ASIC2: variants seen among roughly 807,000 people sequenced by gnomAD.
ASIC2 encodes the protein acid-sensing ion channel 2.
A neutral mutation model predicts 57.3 loss-of-function variants in ASIC2; 25 were observed. The observed-to-expected ratio is 0.44, with a 90% CI of 0.32 to 0.61. The LOEUF (loss-of-function observed/expected upper bound fraction) is 0.61. Among genes scored for constraint, ASIC2 ranks in the 20% least tolerant of loss-of-function variants. The pLI, the probability that ASIC2 is intolerant of heterozygous loss-of-function variation, is 0.06. For synonymous variants in ASIC2, 319 were observed against 307.5 expected, an observed-to-expected ratio of 1.04 and a Z score of -0.39; for missense variants, 641 against 738.1, an observed-to-expected ratio of 0.87 and a Z score of 1.52.
chr17:33,252,814 T>C (rs189547963), intron 1 of ASIC2, among the ~76,000 whole-genome samples: 55 of 152,298 alleles, frequency 3.6e-4, no homozygotes, highest in African/African-American at 9.1e-4. Context: ...TGGCTTTTCA[T>C]TGGGCTATGG....
intron 1 of ASIC2, among the ~76,000 whole-genome samples, chr17:34,094,467 T>C (rs1406166907): frequency 1.3e-5 from 2 of 152,180 alleles, no homozygotes; most frequent in Non-Finnish European, 2.9e-5. Flanking sequence ...CCTCAATGGA[T>C]TGTGATCCAG....
At chr17:33,975,057 T>C (rs115640358) in intron 1 of ASIC2, among the ~76,000 whole-genome samples, 2,102 of 152,348 alleles carry the variant, frequency 0.014, 55 homozygotes, top group African/African-American at 0.048. Flanking sequence ...CATTGGTATA[T>C]TGCCAGTGCT....
intron 1 of ASIC2, among the ~76,000 whole-genome samples, chr17:33,817,051 G>A (rs1334405493): frequency 6.6e-6 from 1 of 152,228 alleles, no homozygotes; most frequent in Non-Finnish European, 1.5e-5. Flanking sequence ...CAGTGCCCCA[G>A]CGGGGCTGCA....
At chr17:33,789,201 A>C (rs1911693932) in intron 1 of ASIC2, among the ~76,000 whole-genome samples, 1 of 152,122 alleles carries the variant, frequency 6.6e-6, no homozygotes, top group South Asian at 2.1e-4. Context: ...ATGGTGAGCC[A>C]ATTAAACCTA....
intron 1 of ASIC2, among the ~76,000 whole-genome samples, chr17:33,676,003 G>A (rs1427226061): frequency 7.2e-5 from 11 of 152,150 alleles, no homozygotes; most frequent in African/African-American, 2.4e-5. Flanking sequence ...TCTCTATGAT[G>A]TCACATTTTT....
chr17:33,894,771 A>T (rs1027707764), intron 1 of ASIC2, among the ~76,000 whole-genome samples: 1 of 152,200 alleles, frequency 6.6e-6, no homozygotes, highest in African/African-American at 2.4e-5. Flanking sequence ...AAGTTACTGC[A>T]TGAAAGAGAC....
At position 34,156,343 on chromosome 17, in the gene ASIC2, C is replaced by T; in HGVS notation, c.190G>A (p.Val64Met). Residue 64 changes from valine (V) to methionine (M), a missense_variant, in exon 1 of 10, where the codon GTG becomes ATG. By Grantham distance (21) the Val-to-Met change is conservative. Coordinates refer to the ASIC2 transcript ENST00000359872. This position sits in a 1 kb window ranked among gnomAD's most constrained non-coding sequence, Gnocchi z 4.4. ...TGCTGGTAGGAGAAGTAGTAGGACA[C>T]CCTCTCAGAGCTCTCCACCAGCAGC... 6.2e-7 allele frequency: 1 copy of T among 1,614,228 alleles called. No individual in the cohort carries two copies. The highest frequency in any genetic ancestry group is 1.1e-5 in the South Asian group (1 of 91,088).
intron 1 of ASIC2, among the ~76,000 whole-genome samples, chr17:33,731,202 A>G (rs1251700515): frequency 6.6e-6 from 1 of 152,104 alleles, no homozygotes; most frequent in African/African-American, 2.4e-5. Flanking sequence ...TTTAGCAGAG[A>G]TTTACTGGGG....
chr17:33,267,211 C>A (rs1909496325), intron 1 of ASIC2, among the ~76,000 whole-genome samples: 2 of 151,664 alleles, frequency 1.3e-5, no homozygotes, highest in Non-Finnish European at 2.9e-5. Flanking sequence ...CACATGCATG[C>A]ACACACTCAC....
At chr17:33,258,897 G>A (rs1368925208) in intron 1 of ASIC2, among the ~76,000 whole-genome samples, 8 of 152,168 alleles carry the variant, frequency 5.3e-5, no homozygotes, top group Non-Finnish European at 1.2e-4. Flanking sequence ...AGTGGAGGCC[G>A]GGACATGCAC....
At chr17:33,352,190 C>T (rs770238281) in intron 1 of ASIC2, among the ~76,000 whole-genome samples, 4 of 152,132 alleles carry the variant, frequency 2.6e-5, no homozygotes, top group Admixed American at 6.5e-5. Context: ...ATCTGAATCT[C>T]GACTTTACCT....
intron 1 of ASIC2, among the ~76,000 whole-genome samples, chr17:34,109,073 T>G: frequency 6.6e-6 from 1 of 151,648 alleles, no homozygotes; most frequent in Middle Eastern, 3.4e-3. Context: ...TTATTATTAT[T>G]ATACTTTAAG....
chr17:34,113,443 C>T (rs34273169), intron 1 of ASIC2, among the ~76,000 whole-genome samples: 3 of 151,938 alleles, frequency 2.0e-5, no homozygotes, highest in African/African-American at 7.3e-5. Context: ...CACCTGTAGT[C>T]CCAGTTTCTT....
chr17:33,955,049 T>A (rs926545008), intron 1 of ASIC2: 3 of 152,124 alleles, frequency 2.0e-5, no homozygotes, highest in South Asian at 2.1e-4. Flanking sequence ...GCATCAAAGG[T>A]AGGTAGGTAG....
intron 1 of ASIC2, among the ~76,000 whole-genome samples, chr17:33,525,400 C>G (rs1914858904): frequency 6.6e-6 from 1 of 152,226 alleles, no homozygotes; most frequent in African/African-American, 2.4e-5. Flanking sequence ...ATATCTACAG[C>G]TTCTCTGCCT....
At position 33,015,021 on chromosome 17, in the gene ASIC2, C is replaced by T. The variant is rs79810025; in HGVS notation, c.1590+950G>A. On this transcript the variant is annotated intron_variant, in intron 9 of 9. Coordinates refer to ENST00000225823, the MANE Select transcript of ASIC2 (RefSeq NM_183377.2). Reference sequence around the variant, plus strand: ...CCAGCCAGGCCAGCTGATGCCAGACCGTGGGCCCCTTCCACACTGCCCTCC... The same window carrying T: ...CCAGCCAGGCCAGCTGATGCCAGACTGTGGGCCCCTTCCACACTGCCCTCC... 5.2e-3 allele frequency among the ~76,000 whole-genome samples: 785 copies of T among 152,290 alleles called. 8 individuals carry two copies. Among genetic ancestry groups the T allele is most frequent in the African/African-American group, 0.018 (731 of 41,556 alleles).
At chr17:33,331,624 A>G (rs912904262) in intron 1 of ASIC2, among the ~76,000 whole-genome samples, 10 of 152,254 alleles carry the variant, frequency 6.6e-5, no homozygotes, top group African/African-American at 2.2e-4. Flanking sequence ...ATTCATGAGT[A>G]AAATATAACC....
chr17:33,360,456 C>T (rs1908554020), intron 1 of ASIC2, among the ~76,000 whole-genome samples: 1 of 152,174 alleles, frequency 6.6e-6, no homozygotes, highest in Non-Finnish European at 1.5e-5. Flanking sequence ...CAACTTTCTC[C>T]CTGAATGGGC....
At chr17:33,895,095 C>T (rs1028257139) in intron 1 of ASIC2, among the ~76,000 whole-genome samples, 1 of 152,012 alleles carries the variant, frequency 6.6e-6, no homozygotes, top group Non-Finnish European at 1.5e-5. Flanking sequence ...CCTATGCTGT[C>T]CAGTCCTCCT....
Sources: gnomAD v4.1 joint callset for allele counts (sites outside exome capture counted in the v4.1 genomes callset) on GRCh38, gnomAD v4.1.1 for gene constraint, Gnocchi (gnomAD v3.1) non-coding constraint, MANE v1.5 for transcripts, NCBI Gene and HGNC (gene_info 2026-07-23, HGNC 2026-07-21) for gene names.